HMGCLL1: variants seen among roughly 807,000 people sequenced by gnomAD.
HMGCLL1 encodes 3-hydroxy-3-methylglutaryl-CoA lyase like 1.
Under a neutral mutation model 39.1 loss-of-function variants are expected in HMGCLL1, and 36 were observed. The ratio of observed to expected loss-of-function variants is 0.92; its 90% confidence interval spans 0.71 to 1.22. HMGCLL1 has a LOEUF of 1.22. HMGCLL1 is among the 50% of genes most tolerant of loss of function. The probability of loss-of-function intolerance (pLI) is 0.00; values close to 1 mark genes in which losing one functional copy is unlikely to be tolerated. For synonymous variants in HMGCLL1, 149 were observed against 144.0 expected (o/e 1.03, Z -0.25); for missense variants, 451 against 416.5 (o/e 1.08, Z -0.72).
At chr6:55,454,822 C>T (rs183228922) in intron 7 of HMGCLL1, among the ~76,000 whole-genome samples, 22 of 152,266 alleles carry the variant, frequency 1.4e-4, no homozygotes, top group African/African-American at 3.4e-4. Flanking sequence ...AGTGGCTAAG[C>T]GGATTTACAC....
intron 6 of HMGCLL1, among the ~76,000 whole-genome samples, chr6:55,497,032 A>T (rs190171498): frequency 6.6e-6 from 1 of 152,164 alleles, no homozygotes. Context: ...GGTCTAATTT[A>T]TCTGGCTCAT....
upstream of HMGCLL1, among the ~76,000 whole-genome samples, chr6:55,583,317 G>A (rs890912840): frequency 6.6e-6 from 1 of 151,814 alleles, no homozygotes; most frequent in Non-Finnish European, 1.5e-5. Flanking sequence ...TTAGCATTAG[G>A]TATATCTCCT....
At chr6:55,545,946 T>C (rs1769940679) in intron 1 of HMGCLL1, among the ~76,000 whole-genome samples, 1 of 152,102 alleles carries the variant, frequency 6.6e-6, no homozygotes, top group Admixed American at 6.6e-5. Context: ...CACCAGCATA[T>C]GCAATGGCTC....
At chr6:55,559,236 C>G (rs1243811970) in intron 1 of HMGCLL1, among the ~76,000 whole-genome samples, 1 of 152,110 alleles carries the variant, frequency 6.6e-6, no homozygotes, top group South Asian at 2.1e-4. Flanking sequence ...GCAAATACTA[C>G]AAATATAGTC....
intron 7 of HMGCLL1, among the ~76,000 whole-genome samples, chr6:55,450,920 A>G (rs1764052558): frequency 6.6e-6 from 1 of 152,214 alleles, no homozygotes; most frequent in African/African-American, 2.4e-5. Context: ...AGGGCCCTGA[A>G]GCTTTTGTAG....
At chr6:55,450,653 G>A (rs892386106) in intron 7 of HMGCLL1, among the ~76,000 whole-genome samples, 4 of 152,190 alleles carry the variant, frequency 2.6e-5, no homozygotes, top group Admixed American at 2.6e-4. Context: ...TATGTGAACA[G>A]AGAGATATCT....
the HMGCLL1 span, among the ~76,000 whole-genome samples, chr6:55,593,884 A>G: frequency 6.6e-6 from 1 of 152,192 alleles, no homozygotes; most frequent in Non-Finnish European, 1.5e-5. Context: ...CGGAGAGGTA[A>G]ATTACTTGAC....
chr6:55,457,875 C>A (rs1054923248), intron 7 of HMGCLL1, among the ~76,000 whole-genome samples: 14 of 152,030 alleles, frequency 9.2e-5, no homozygotes, highest in African/African-American at 2.9e-4. Context: ...AGCCAGTGCA[C>A]CAGAATACGA....
intron 7 of HMGCLL1, among the ~76,000 whole-genome samples, chr6:55,459,464 G>A (rs1764465524): frequency 6.6e-6 from 1 of 151,914 alleles, no homozygotes; most frequent in Admixed American, 6.6e-5. Flanking sequence ...GAGGCATGGG[G>A]AGCAGACCTT....
intron 1 of HMGCLL1, among the ~76,000 whole-genome samples, chr6:55,544,862 G>A (rs146671727): frequency 2.3e-3 from 345 of 152,294 alleles, no homozygotes; most frequent in Admixed American, 6.5e-3. Context: ...GATGCATGAA[G>A]TTAACCTGAG....
chr6:55,585,382 T>C, the HMGCLL1 span, among the ~76,000 whole-genome samples: 1 of 152,148 alleles, frequency 6.6e-6, no homozygotes, highest in Non-Finnish European at 1.5e-5. Flanking sequence ...TGTTAGATGG[T>C]TGAAATCCGC....
chr6:55,613,628 G>A, the HMGCLL1 span, among the ~76,000 whole-genome samples: 1 of 152,084 alleles, frequency 6.6e-6, no homozygotes, highest in Non-Finnish European at 1.5e-5. Flanking sequence ...CCTTTGCAGG[G>A]ACATGGATTT....
At chr6:55,524,479 A>G (rs1218108317) in intron 3 of HMGCLL1, among the ~76,000 whole-genome samples, 1 of 150,458 alleles carries the variant, frequency 6.6e-6, no homozygotes, top group Non-Finnish European at 1.5e-5. Context: ...AAAAAAAAAA[A>G]CGGGATCCTC....
chr6:55,665,178 G>T, the HMGCLL1 span, among the ~76,000 whole-genome samples: 1 of 151,734 alleles, frequency 6.6e-6, no homozygotes. Context: ...TAACAGGATA[G>T]ATATGTATCT....
At chr6:55,503,614 C>G (rs1212651124) in intron 5 of HMGCLL1, among the ~76,000 whole-genome samples, 2 of 151,610 alleles carry the variant, frequency 1.3e-5, no homozygotes, top group African/African-American at 4.8e-5. Context: ...TGCCCATAAC[C>G]CCAGGATCAA....
intron 7 of HMGCLL1, among the ~76,000 whole-genome samples, chr6:55,478,656 A>G (rs1765579985): frequency 6.6e-6 from 1 of 151,344 alleles, no homozygotes; most frequent in South Asian, 2.1e-4. Flanking sequence ...AGATACCTAA[A>G]AATTTTTCAT....
At chr6:55,439,371 G>A in intron 8 of HMGCLL1, 63 bp downstream of exon 8, 1 of 1,519,720 alleles carries the variant, frequency 6.6e-7, no homozygotes, top group Non-Finnish European at 9.0e-7. Flanking sequence ...CCACATCTTA[G>A]AAGCTTTGCA....
At chr6:55,554,593 G>A (rs890204701) in intron 1 of HMGCLL1, among the ~76,000 whole-genome samples, 4 of 152,036 alleles carry the variant, frequency 2.6e-5, no homozygotes, top group Non-Finnish European at 5.9e-5. Context: ...AGAATTTTCA[G>A]AAACCATAAT....
At chr6:55,650,585 A>T in the HMGCLL1 span, among the ~76,000 whole-genome samples, 1 of 152,000 alleles carries the variant, frequency 6.6e-6, no homozygotes, top group African/African-American at 2.4e-5. Context: ...GCTGGCCAGC[A>T]CCAAGTTACC....
Sources: allele counts gnomAD v4.1 joint callset (sites outside exome capture counted in the v4.1 genomes callset), GRCh38; gene constraint gnomAD v4.1.1; transcripts MANE v1.5; gene names NCBI Gene and HGNC (gene_info 2026-07-23, HGNC 2026-07-21).